Variants in WNK1 observed in about 807,000 individuals in gnomAD.
WNK1 encodes the protein serine/threonine-protein kinase WNK1.
A neutral mutation model predicts 222.8 loss-of-function variants in WNK1; 38 were observed. That is an observed-to-expected ratio of 0.17 (90% CI 0.13 to 0.22). WNK1 has a LOEUF of 0.22. WNK1 is among the 10% of genes least tolerant of loss of function. The probability of loss-of-function intolerance (pLI) is 1.00; values close to 1 mark genes in which losing one functional copy is unlikely to be tolerated. For missense variants in WNK1, 2,348 were observed against 2,918.4 expected, an observed-to-expected ratio of 0.80 and a Z score of 4.50; for synonymous variants, 1,090 against 1,092.9, an observed-to-expected ratio of 1.00 and a Z score of 0.05.
intron 1 of WNK1, among the ~76,000 whole-genome samples, chr12:767,245 T>G (rs1344428989): frequency 4.8e-4 from 11 of 23,014 alleles, no homozygotes; most frequent in Admixed American, 1.4e-3. Context: ...TTTTTTTTTT[T>G]TTTTTTTTTT....
At position 900,496 on chromosome 12, in the gene WNK1, G is replaced by A; in HGVS notation, c.6469G>A (p.Ala2157Thr). The A allele has an allele frequency of 6.2e-7, 1 of 1,614,196 alleles. No individual in the cohort carries two copies. Among genetic ancestry groups the A allele is most frequent in the Non-Finnish European group, 8.5e-7 (1 of 1,180,034 alleles). ...GGCAGGTAACCTGTCTGGTCAGAGT[G>A]CAGCTTCAGTCTTGCACCCCCAGCA... ...QLSGNLSGQS[A>T]ASVLHPQQTL... is the part of the protein sequence containing the mutation. Residue 2157 changes from alanine (A) to threonine (T), a missense_variant, in exon 26 of 28, where the codon GCA becomes ACA. Coordinates refer to ENST00000315939, the MANE Select transcript of WNK1 (RefSeq NM_018979.4).
At chr12:846,629 A>G (rs1591987168) in intron 4 of WNK1, among the ~76,000 whole-genome samples, 1 of 152,266 alleles carries the variant, frequency 6.6e-6, no homozygotes, top group South Asian at 2.1e-4. Context: ...CCCTATAACA[A>G]CCAAGTTAGA....
In WNK1 at chr12:763,575, G is replaced by A. The variant is rs149137797; in HGVS notation, c.759+9251G>A. Among the ~76,000 whole-genome samples, 562 of 130,274 alleles carry A rather than the reference G, an allele frequency of 4.3e-3. 17 individuals carry two copies. The highest frequency in any genetic ancestry group is 0.013 in the African/African-American group (525 of 39,740). The allele number at this position is 130,274 out of a possible 152,430, so 85.5% of individuals were successfully genotyped here. On this transcript the variant is annotated intron_variant, in intron 1 of 27. Transcript: ENST00000315939. ...TTGCACTCCAGCCTGGGCGACAAGA[G>A]GGAAACTCTGTCTCAAAAAAAAAAG...
At chr12:773,356 A>G (rs779315846) in intron 1 of WNK1, among the ~76,000 whole-genome samples, 3 of 152,178 alleles carry the variant, frequency 2.0e-5, no homozygotes, top group Non-Finnish European at 4.4e-5. Context: ...CTACCCACTC[A>G]AGATAACCTA....
chr12:813,864 G>C (rs777606405), intron 2 of WNK1, 50 bp downstream of exon 2: 1 of 1,590,382 alleles, frequency 6.3e-7, no homozygotes, highest in South Asian at 1.1e-5. Flanking sequence ...GAGAGAATTT[G>C]ATTTTTTAAA....
intron 25 of WNK1, among the ~76,000 whole-genome samples, chr12:898,509 G>A (rs1235572425): frequency 2.0e-5 from 3 of 150,726 alleles, no homozygotes; most frequent in Non-Finnish European, 4.4e-5. Context: ...AGAAGAACTT[G>A]CTAGTCATTA....
intron 9 of WNK1, among the ~76,000 whole-genome samples, 191 bp downstream of exon 9, chr12:871,539 A>G (rs1952150087): frequency 6.6e-6 from 1 of 152,242 alleles, no homozygotes; most frequent in Non-Finnish European, 1.5e-5. Flanking sequence ...CTTTTGTTTA[A>G]TATACTTTTG....
chr12:873,265 G>A (rs1952315409), intron 9 of WNK1, among the ~76,000 whole-genome samples: 1 of 152,118 alleles, frequency 6.6e-6, no homozygotes, highest in South Asian at 2.1e-4. Flanking sequence ...ATCAAATGAA[G>A]AAGATAATAA....
intron 1 of WNK1, among the ~76,000 whole-genome samples, chr12:754,888 C>T (rs1214474717): frequency 6.6e-6 from 1 of 152,170 alleles, no homozygotes; most frequent in South Asian, 2.1e-4. Context: ...ATGCTTAAGC[C>T]TTACAGTAGC....
At chr12:754,774 G>A (rs944810722) in intron 1 of WNK1, among the ~76,000 whole-genome samples, 1 of 152,098 alleles carries the variant, frequency 6.6e-6, no homozygotes, top group Non-Finnish European at 1.5e-5. Context: ...TGTACCTTTG[G>A]ATGTATTTTG....
chr12:840,169 C>T (rs542180870), intron 4 of WNK1, among the ~76,000 whole-genome samples: 8 of 152,080 alleles, frequency 5.3e-5, no homozygotes, highest in South Asian at 4.2e-4. Flanking sequence ...ACTCTGTCAC[C>T]GAGGCTTGAG....
rs2154071932 is a variant in WNK1 at position 868,565 on chromosome 12, GT to G, written c.2140-2698del. Reference sequence around the variant, plus strand: ...ACGTTTGAAATTTCACCCTGTCTTTGTTCCTCATTCTGCGCCTGCTGTGTTA... The same window carrying G: ...ACGTTTGAAATTTCACCCTGTCTTTGTCCTCATTCTGCGCCTGCTGTGTTA... On this transcript the variant is annotated intron_variant, in intron 8 of 27. Coordinates refer to ENST00000315939, the MANE Select transcript of WNK1 (RefSeq NM_018979.4). The G allele has an allele frequency of 4.3e-6, 7 of 1,613,940 alleles. No homozygotes were observed. Among genetic ancestry groups the G allele is most frequent in the Non-Finnish European group, 5.9e-6 (7 of 1,179,834 alleles).
At position 830,498 on chromosome 12, in the gene WNK1, A is replaced by G. The variant is rs187625996; in HGVS notation, c.1311+338A>G. The stretch of plus-strand genomic sequence containing the variant: ...ACCACATAGGTCAGAGTTAAAAGTA[A>G]TGTTTTTAATTCAAGATGCTTTGTC... On this transcript the variant is annotated intron_variant, in intron 4 of 27. Transcript: ENST00000315939. Among the ~76,000 whole-genome samples the G allele has an allele frequency of 1.8e-3, 274 of 152,332 alleles. 1 individual carries two copies. Among genetic ancestry groups the G allele is most frequent in the African/African-American group, 6.2e-3 (256 of 41,570 alleles).
chr12:895,422 TTTTA>T (rs1254123966), intron 23 of WNK1, among the ~76,000 whole-genome samples: 9 of 151,996 alleles, frequency 5.9e-5, no homozygotes, highest in African/African-American at 1.7e-4. Flanking sequence ...TGCTAATTTA[TTTTA>T]TTTATTTACT....
At chr12:786,416 T>G (rs1470617313) in intron 1 of WNK1, among the ~76,000 whole-genome samples, 1 of 152,162 alleles carries the variant, frequency 6.6e-6, no homozygotes, top group East Asian at 1.9e-4. Flanking sequence ...CACATTCCCT[T>G]TTTATATTGT....
At chr12:893,203 G>C (rs1156427844) in intron 22 of WNK1, among the ~76,000 whole-genome samples, 1 of 152,152 alleles carries the variant, frequency 6.6e-6, no homozygotes, top group Non-Finnish European at 1.5e-5. Context: ...ATTGTGGTGA[G>C]CTGTGATGGC....
At chr12:836,716 G>A (rs1032120173) in intron 4 of WNK1, among the ~76,000 whole-genome samples, 2 of 152,190 alleles carry the variant, frequency 1.3e-5, no homozygotes, top group Admixed American at 6.5e-5. Flanking sequence ...GTATGATTCT[G>A]ATTACATAAT....
chr12:826,957 C>T (rs1591883566), intron 2 of WNK1, 85 bp from the exon 3 acceptor site: 1 of 1,063,888 alleles, frequency 9.4e-7, no homozygotes, highest in African/African-American at 1.6e-5. Flanking sequence ...TTCCCATCTC[C>T]AGTCATGTTA....
At chr12:774,007 T>C (rs143473745) in intron 1 of WNK1, among the ~76,000 whole-genome samples, 167 of 152,302 alleles carry the variant, frequency 1.1e-3, no homozygotes, top group African/African-American at 4.0e-3. Flanking sequence ...CCTTACCTAA[T>C]TGAGATGGCC....
Sources: gnomAD v4.1 joint callset for allele counts (sites outside exome capture counted in the v4.1 genomes callset) on GRCh38, gnomAD v4.1.1 for gene constraint, MANE v1.5 for transcripts, NCBI Gene and HGNC (gene_info 2026-07-23, HGNC 2026-07-21) for gene names.